TANC2: variants seen among roughly 807,000 people sequenced by gnomAD.
The protein encoded by TANC2 is tetratricopeptide repeat, ankyrin repeat and coiled-coil containing 2, also known as protein TANC2.
A neutral mutation model predicts 210.5 loss-of-function variants in TANC2; 26 were observed. The observed-to-expected ratio is 0.12, with a 90% confidence interval of 0.09 to 0.17. The LOEUF is 0.17. Ranked by LOEUF, TANC2 falls within the 10% of genes least tolerant of loss-of-function variation. The pLI is 1.00. For synonymous variants in TANC2, 931 were observed against 967.1 expected, an observed-to-expected ratio of 0.96 and a Z score of 0.69; for missense variants, 2,129 against 2,608.9, an observed-to-expected ratio of 0.82 and a Z score of 4.01.
At chr17:62,993,027 A>G (rs1323095409) in intron 1 of TANC2, among the ~76,000 whole-genome samples, 1 of 152,174 alleles carries the variant, frequency 6.6e-6, no homozygotes, top group Non-Finnish European at 1.5e-5. Context: ...TTGTGGCTAC[A>G]TTGCTCTGAT....
At chr17:63,135,009 G>A (rs1413418709) in intron 4 of TANC2, among the ~76,000 whole-genome samples, 4 of 152,138 alleles carry the variant, frequency 2.6e-5, no homozygotes, top group Non-Finnish European at 5.9e-5. Flanking sequence ...TTGAGGCCAG[G>A]AGTTCGAGAC....
intron 7 of TANC2, among the ~76,000 whole-genome samples, chr17:63,219,604 G>A (rs776492182): frequency 6.6e-6 from 1 of 152,080 alleles, no homozygotes; most frequent in Non-Finnish European, 1.5e-5. Context: ...TAGAGACGGG[G>A]TTTCCCCATA....
chr17:63,376,069 A>G (rs2047414895), intron 14 of TANC2, among the ~76,000 whole-genome samples: 1 of 152,156 alleles, frequency 6.6e-6, no homozygotes, highest in Non-Finnish European at 1.5e-5. Flanking sequence ...CCTGGGTGAC[A>G]GAGCGAGACT....
chr17:63,369,984 C>G lies in TANC2; in HGVS notation c.2583-9734C>G, dbSNP rs78479675. On this transcript the variant is annotated intron_variant, in intron 14 of 27. Coordinates refer to ENST00000689528, the Ensembl canonical transcript of TANC2. The stretch of plus-strand genomic sequence containing the variant: ...GCGCTTTTGAGTATCACCAAAATGT[C>G]TCTCCCACATACACCCTGCTCTCTC... Among the ~76,000 whole-genome samples the G allele has an allele frequency of 3.9e-3, 590 of 152,190 alleles. 16 individuals carry two copies. In the East Asian group the frequency reaches 0.099, roughly 26 times the overall value.
At chr17:63,105,857 A>G (rs2144972201) in intron 4 of TANC2, among the ~76,000 whole-genome samples, 1 of 151,730 alleles carries the variant, frequency 6.6e-6, no homozygotes, top group East Asian at 1.9e-4. Context: ...ATTGGAATTC[A>G]TAATATAGTA....
chr17:63,209,737 G>A (rs912742549), intron 7 of TANC2, among the ~76,000 whole-genome samples: 28 of 152,256 alleles, frequency 1.8e-4, no homozygotes, highest in Middle Eastern at 3.4e-3. Flanking sequence ...TCGGGCTAAA[G>A]GAATGCTTTC....
At chr17:63,279,941 A>G (rs2044009875) in intron 9 of TANC2, among the ~76,000 whole-genome samples, 1 of 152,114 alleles carries the variant, frequency 6.6e-6, no homozygotes, top group Non-Finnish European at 1.5e-5. Flanking sequence ...ACGAAAGATT[A>G]TGGGGAAGTG....
At chr17:63,259,243 G>A (rs183880702) in intron 8 of TANC2, among the ~76,000 whole-genome samples, 1 of 152,258 alleles carries the variant, frequency 6.6e-6, no homozygotes. Flanking sequence ...TTCTCCTCAG[G>A]TGGAAGGAAG....
chr17:63,173,863 C>G (rs1386693448), intron 5 of TANC2, among the ~76,000 whole-genome samples: 1 of 152,198 alleles, frequency 6.6e-6, no homozygotes, highest in Non-Finnish European at 1.5e-5. Flanking sequence ...AGTGATGTAA[C>G]TGGCTTCCTT....
chr17:63,247,439 A>T (rs2042947953), intron 8 of TANC2, among the ~76,000 whole-genome samples: 1 of 151,804 alleles, frequency 6.6e-6, no homozygotes, highest in Non-Finnish European at 1.5e-5. Context: ...TACTTCCTGA[A>T]ATACTTAATA....
At chr17:63,255,701 T>C (rs1028593941) in intron 8 of TANC2, among the ~76,000 whole-genome samples, 1 of 152,026 alleles carries the variant, frequency 6.6e-6, no homozygotes, top group Non-Finnish European at 1.5e-5. Flanking sequence ...TCTTCTCTCT[T>C]TTTTTCTTAG....
At chr17:63,081,991 C>T (rs1364716276) in intron 3 of TANC2, among the ~76,000 whole-genome samples, 1 of 151,852 alleles carries the variant, frequency 6.6e-6, no homozygotes, top group Non-Finnish European at 1.5e-5. Context: ...TTGTGAAACC[C>T]CGTCTCTACT....
chr17:63,106,138 A>AG lies in TANC2; in HGVS notation c.322+6788dup, dbSNP rs905697420. 7.3e-5 allele frequency among the ~76,000 whole-genome samples: 11 copies of AG among 151,652 alleles called. 1 individual carries two copies. Among genetic ancestry groups the AG allele is most frequent in the African/African-American group, 2.2e-4 (9 of 40,998 alleles). On this transcript the variant is annotated intron_variant, in intron 4 of 27. Coordinates refer to ENST00000689528, the Ensembl canonical transcript of TANC2. Reference sequence around the variant, plus strand: ...GTAAAACAGTGTAGGATTGGAAAAAAGGGGGGGCCCTTATTTCCTTGAAGA... The same window carrying AG: ...GTAAAACAGTGTAGGATTGGAAAAAAGGGGGGGGCCCTTATTTCCTTGAAGA...
At chr17:63,148,493 A>G (rs1419001983) in intron 4 of TANC2, 1 of 152,156 alleles carries the variant, frequency 6.6e-6, no homozygotes, top group Non-Finnish European at 1.5e-5. Flanking sequence ...AGATCACTCT[A>G]CTTAACCTCT....
At chr17:63,018,696 C>T (rs2034219415) in intron 2 of TANC2, among the ~76,000 whole-genome samples, 1 of 152,120 alleles carries the variant, frequency 6.6e-6, no homozygotes, top group African/African-American at 2.4e-5. Context: ...CTTTTAATAA[C>T]AGTACCCCCT....
At chr17:63,246,793 A>G (rs879720783) in intron 8 of TANC2, among the ~76,000 whole-genome samples, 2 of 152,176 alleles carry the variant, frequency 1.3e-5, no homozygotes, top group African/African-American at 4.8e-5. Context: ...TTGGGTAGAC[A>G]TATGTTTTCA....
chr17:63,371,166 A>G (rs2047256794), intron 14 of TANC2, among the ~76,000 whole-genome samples: 1 of 152,102 alleles, frequency 6.6e-6, no homozygotes, highest in South Asian at 2.1e-4. Context: ...ACCCTCACAC[A>G]GAATATCAAA....
intron 4 of TANC2, among the ~76,000 whole-genome samples, chr17:63,147,701 A>G (rs2039510126): frequency 6.6e-6 from 1 of 152,166 alleles, no homozygotes. Context: ...TGGTCTAAAG[A>G]ATACTGTTTA....
intron 3 of TANC2, among the ~76,000 whole-genome samples, chr17:63,075,811 G>T (rs913176470): frequency 7.9e-5 from 12 of 152,024 alleles, no homozygotes; most frequent in African/African-American, 2.9e-4. Context: ...GAGCCACCGC[G>T]CCTGGCCAGA....
Sources: allele counts gnomAD v4.1 joint callset (sites outside exome capture counted in the v4.1 genomes callset), GRCh38; gene constraint gnomAD v4.1.1; transcripts MANE v1.5; gene names NCBI Gene and HGNC (gene_info 2026-07-23, HGNC 2026-07-21).